CDH20: variants seen among roughly 807,000 people sequenced by gnomAD.
CDH20 encodes the protein cadherin 20.
CDH20 carries 29 observed loss-of-function variants against 74.2 expected under a neutral mutation model. The observed-to-expected ratio is 0.39, with a 90% CI of 0.29 to 0.53. The LOEUF is 0.53. Among genes scored for constraint, CDH20 ranks in the 20% least tolerant of loss-of-function variants. The probability of loss-of-function intolerance (pLI) is 0.69; values close to 1 mark genes in which losing one functional copy is unlikely to be tolerated. For synonymous variants in CDH20, 469 were observed against 405.4 expected, an observed-to-expected ratio of 1.16 and a Z score of -1.88; for missense variants, 988 against 1,048.3, an observed-to-expected ratio of 0.94 and a Z score of 0.79.
At chr18:61,472,200 C>CA (rs767523705) in intron 1 of CDH20, among the ~76,000 whole-genome samples, 1 of 152,072 alleles carries the variant, frequency 6.6e-6, no homozygotes, top group Non-Finnish European at 1.5e-5. Flanking sequence ...TGCTGCTAAT[C>CA]ACCTAACTTA....
chr18:61,436,651 G>T (rs1179993810), intron 1 of CDH20, among the ~76,000 whole-genome samples: 1 of 152,088 alleles, frequency 6.6e-6, no homozygotes, highest in Non-Finnish European at 1.5e-5. Context: ...ATCAAATAAA[G>T]TATTTCTATT....
intron 1 of CDH20, among the ~76,000 whole-genome samples, chr18:61,446,574 G>A (rs942543882): frequency 1.3e-5 from 2 of 151,834 alleles, no homozygotes; most frequent in African/African-American, 4.8e-5. Context: ...TCATCACCTT[G>A]TAATCTTTCT....
chr18:61,431,460 A>G (rs550581443), intron 1 of CDH20, among the ~76,000 whole-genome samples: 17 of 152,322 alleles, frequency 1.1e-4, no homozygotes, highest in Non-Finnish European at 2.1e-4. Context: ...AGTCCATTAA[A>G]GTATGGACTA....
At chr18:61,379,488 T>C (rs1162871892) in intron 1 of CDH20, among the ~76,000 whole-genome samples, 1 of 152,208 alleles carries the variant, frequency 6.6e-6, no homozygotes, top group East Asian at 1.9e-4. Context: ...TTTCTCTTTC[T>C]AGGCTCCACA....
At chr18:61,491,359 C>T (rs1156293255) in intron 2 of CDH20, among the ~76,000 whole-genome samples, 4 of 151,842 alleles carry the variant, frequency 2.6e-5, no homozygotes, top group Non-Finnish European at 4.4e-5. Flanking sequence ...ATCTTTAATC[C>T]TGGATTTTTC....
At chr18:61,528,361 T>G (rs1912517800) in intron 7 of CDH20, 141 bp downstream of exon 7, 3 of 758,018 alleles carry the variant, frequency 4.0e-6, no homozygotes, top group East Asian at 2.8e-5. Context: ...TTTGTGTTGT[T>G]TTTTTTTTTT....
chr18:61,530,875 G>A (rs533557453), intron 7 of CDH20, among the ~76,000 whole-genome samples: 1 of 152,234 alleles, frequency 6.6e-6, no homozygotes. Flanking sequence ...CCTCCAAATT[G>A]CTCCCAAATT....
At chr18:61,411,593 TATATATATATATATATATATA>T (rs1432293908) in intron 1 of CDH20, among the ~76,000 whole-genome samples, 10 of 314 alleles carry the variant, frequency 0.032, no homozygotes, top group Admixed American at 0.17. Flanking sequence ...TATATATATA[TATATATATATATATATATATA>T]TATATGTGAG....
In CDH20 at chr18:61,519,562, AG is replaced by A. The variant is rs1436563901; in HGVS notation, c.1018-8404del. On this transcript the variant is annotated intron_variant, in intron 6 of 11. Transcript: ENST00000262717. ...GGAGAAATAAAATCCTTTACAGACA[AG>A]CAAATGCTGAGACATTTTGTCACCA... is the stretch of plus-strand genomic sequence containing the variant. 4.0e-5 allele frequency among the ~76,000 whole-genome samples: 6 copies of A among 151,248 alleles called. 1 individual carries two copies. Among genetic ancestry groups the A allele is most frequent in the African/African-American group, 1.5e-4 (6 of 40,662 alleles).
rs1449650763 is a variant in CDH20 at position 61,550,092 on chromosome 18, G to C, written c.1763G>C (p.Gly588Ala). The change falls in exon 11 of 12, where the codon GGC (glycine) becomes GCC (alanine). Residue 588 changes from glycine to alanine, a missense_variant. Gly to Ala is a moderately conservative substitution (Grantham distance 60). Transcript: ENST00000262717. ...GGGCAGCCCGTGCTGAGCAGCACAG[G>C]CACACTGACCATCCAAGTGTGCAGC... ...DSGQPVLSSTGTLTIQVCSCD... is the reference protein window; with the variant it reads ...DSGQPVLSSTATLTIQVCSCD... The C allele has an allele frequency of 9.9e-6, 16 of 1,614,116 alleles. No individual in the cohort carries two copies. The East Asian group carries it at 3.3e-4, about 34-fold the overall frequency.
Position 61,528,180 on chromosome 18 carries a change from AT to A in CDH20, c.1234del (p.Ser412LeufsTer7). 1 of 1,614,036 alleles carries A rather than the reference AT, an allele frequency of 6.2e-7. No homozygotes were observed. Among genetic ancestry groups the A allele is most frequent in the Non-Finnish European group, 8.5e-7 (1 of 1,180,012 alleles). On this transcript the variant is annotated frameshift_variant, in exon 7 of 12. Transcript: ENST00000262717. LOFTEE classifies it high-confidence loss of function. ...DVAIGTTIQI[I>X]SAKDPDVTNN... ...GGCGATTGGAACAACCATACAGATC[AT>A]TTCTGCCAAGGACCCAGATGTGACC...
At chr18:61,529,440 G>A (rs1912561508) in intron 7 of CDH20, among the ~76,000 whole-genome samples, 1 of 152,168 alleles carries the variant, frequency 6.6e-6, no homozygotes, top group East Asian at 1.9e-4. Context: ...CATTTTACAT[G>A]TTCAGGCATT....
intron 1 of CDH20, among the ~76,000 whole-genome samples, chr18:61,466,471 A>G (rs892183038): frequency 8.5e-5 from 13 of 152,312 alleles, no homozygotes; most frequent in African/African-American, 2.6e-4. Flanking sequence ...CATGCAGCTC[A>G]TGATGTCACC....
intron 1 of CDH20, among the ~76,000 whole-genome samples, chr18:61,429,640 AC>A (rs1172417888): frequency 2.6e-5 from 4 of 152,032 alleles, no homozygotes; most frequent in Admixed American, 6.6e-5. Context: ...AGAACACTCT[AC>A]CCACCTCTTC....
intron 1 of CDH20, among the ~76,000 whole-genome samples, chr18:61,377,756 A>G (rs1911290588): frequency 6.6e-6 from 1 of 151,916 alleles, no homozygotes; most frequent in South Asian, 2.1e-4. Flanking sequence ...ATATTACGAT[A>G]TATCTGTTTT....
intron 6 of CDH20, among the ~76,000 whole-genome samples, chr18:61,511,551 T>C (rs1166098238): frequency 1.3e-5 from 2 of 152,132 alleles, no homozygotes; most frequent in African/African-American, 2.4e-5. Context: ...CTTTTGGGAT[T>C]CTCAATATTT....
intron 1 of CDH20, among the ~76,000 whole-genome samples, chr18:61,358,188 C>T (rs1910560008): frequency 6.6e-6 from 1 of 150,446 alleles, no homozygotes; most frequent in Admixed American, 6.6e-5. Context: ...GATGTCTGCT[C>T]ACTGCAAGCT....
At chr18:61,409,734 C>T (rs576592904) in intron 1 of CDH20, among the ~76,000 whole-genome samples, 5 of 152,254 alleles carry the variant, frequency 3.3e-5, no homozygotes, top group African/African-American at 4.8e-5. Flanking sequence ...TGCAACATAA[C>T]GTAGTACATT....
chr18:61,538,854 G>C (rs939739521), intron 8 of CDH20, among the ~76,000 whole-genome samples, 170 bp from the exon 9 acceptor site: 1 of 151,714 alleles, frequency 6.6e-6, no homozygotes, highest in Non-Finnish European at 1.5e-5. Flanking sequence ...GGATGGTCTC[G>C]ATCTCCTGAC....
Sources: allele counts gnomAD v4.1 joint callset (sites outside exome capture counted in the v4.1 genomes callset), GRCh38; gene constraint gnomAD v4.1.1; transcripts MANE v1.5; gene names NCBI Gene and HGNC (gene_info 2026-07-23, HGNC 2026-07-21).